The following TRAPPC9 variants were observed in gnomAD, a reference collection of about 807,000 sequenced individuals.
The protein encoded by TRAPPC9 is IKK2 binding protein.
A neutral mutation model predicts 124.0 loss-of-function variants in TRAPPC9; 83 were observed. The observed-to-expected ratio is 0.67, with a 90% CI of 0.56 to 0.80. The LOEUF (loss-of-function observed/expected upper bound fraction) is 0.80, where lower values mean the gene tolerates loss of function less well. Among genes scored for constraint, TRAPPC9 ranks in the 30% least tolerant of loss-of-function variants. The pLI, the probability that TRAPPC9 is intolerant of heterozygous loss-of-function variation, is 0.00. For synonymous variants in TRAPPC9, 638 were observed against 617.5 expected (o/e 1.03, Z -0.49); for missense variants, 1,302 against 1,508.3 (o/e 0.86, Z 2.27).
intron 21 of TRAPPC9, among the ~76,000 whole-genome samples, chr8:139,753,273 A>C (rs1386498937): frequency 2.3e-5 from 3 of 128,442 alleles, no homozygotes; most frequent in Admixed American, 1.5e-4. Context: ...CATCCATCCA[A>C]CATCTACCCA....
chr8:139,737,179 C>T (rs1818228747), intron 21 of TRAPPC9, among the ~76,000 whole-genome samples: 1 of 152,170 alleles, frequency 6.6e-6, no homozygotes, highest in South Asian at 2.1e-4. Context: ...CATTCGGCTT[C>T]TATCGGCGCT....
At chr8:139,981,049 G>A (rs1836859150) in intron 19 of TRAPPC9, among the ~76,000 whole-genome samples, 5 of 152,208 alleles carry the variant, frequency 3.3e-5, no homozygotes. Context: ...GCAAACCACT[G>A]CATCTTCCCC....
At chr8:140,433,469 A>G (rs936312761) in intron 4 of TRAPPC9, among the ~76,000 whole-genome samples, 4 of 152,104 alleles carry the variant, frequency 2.6e-5, no homozygotes, top group African/African-American at 9.7e-5. Context: ...GGGCACCTGT[A>G]ATCCCAGCTA....
chr8:139,946,143 C>T (rs1834199912), intron 19 of TRAPPC9, among the ~76,000 whole-genome samples: 1 of 152,196 alleles, frequency 6.6e-6, no homozygotes, highest in African/African-American at 2.4e-5. Flanking sequence ...CTCTCAAGAA[C>T]CAACCCCCAC....
At chr8:139,873,980 G>T (rs991249526) in intron 21 of TRAPPC9, among the ~76,000 whole-genome samples, 4 of 152,196 alleles carry the variant, frequency 2.6e-5, no homozygotes, top group Non-Finnish European at 5.9e-5. Flanking sequence ...CCTTGCCGAG[G>T]ATCCAGACTG....
intron 22 of TRAPPC9, 143 bp from the exon 23 acceptor site, chr8:139,731,371 G>A: frequency 1.1e-6 from 1 of 878,322 alleles, no homozygotes; most frequent in Non-Finnish European, 1.8e-6. Context: ...GCCCCCTCCA[G>A]CAGGTCACTG....
chr8:140,193,622 GAAA>G lies in TRAPPC9; in HGVS notation c.2556+27834_2556+27836del, dbSNP rs72383095. On this transcript the variant is annotated intron_variant, in intron 17 of 22. Coordinates refer to ENST00000438773, the MANE Select transcript of TRAPPC9 (RefSeq NM_001160372.4). ...GGCAGAAGGGATCTTTGTACTTTCA[GAAA>G]AAAAAAAAAAAAAAAAAAAAAGCTT... Among the ~76,000 whole-genome samples, 274 of 77,316 alleles carry G rather than the reference GAAA, an allele frequency of 3.5e-3. 2 individuals carry two copies. Among genetic ancestry groups the G allele is most frequent in the African/African-American group, 5.3e-3 (104 of 19,598 alleles). 50.7% of individuals were successfully genotyped at this position (77,316 alleles called of 152,430 possible). A position where few individuals can be genotyped will look rare whatever the true frequency, so the allele number is the denominator to read the frequency against.
At chr8:140,370,670 A>C (rs1252807388) in intron 8 of TRAPPC9, among the ~76,000 whole-genome samples, 2 of 152,190 alleles carry the variant, frequency 1.3e-5, no homozygotes, top group African/African-American at 4.8e-5. Flanking sequence ...TCATGAGTAA[A>C]ATTCATTAGG....
intron 9 of TRAPPC9, among the ~76,000 whole-genome samples, chr8:140,349,405 C>CAAT (rs2067470283): frequency 7.4e-6 from 1 of 134,580 alleles, no homozygotes; most frequent in Non-Finnish European, 1.6e-5. Flanking sequence ...TGGGGGCGCG[C>CAAT]GAGGGAAGGG....
chr8:139,784,606 GAC>G (rs1441026628), intron 21 of TRAPPC9, among the ~76,000 whole-genome samples: 482 of 30,418 alleles, frequency 0.016, 4 homozygotes, highest in African/African-American at 0.045. Context: ...ATAAAAGACT[GAC>G]ATATATATAT....
In TRAPPC9 at chr8:139,730,843, T is replaced by C; in HGVS notation, c.*218A>G. 3.4e-6 allele frequency: 2 copies of C among 594,384 alleles called. No homozygotes were observed. Among genetic ancestry groups the C allele is most frequent in the South Asian group, 2.0e-5 (1 of 50,858 alleles). The allele number at this position is 594,384 out of a possible 1,614,324, so 36.8% of individuals were successfully genotyped here. A position where few individuals can be genotyped will look rare whatever the true frequency, so the allele number is the denominator to read the frequency against. On this transcript the variant is annotated 3_prime_UTR_variant, in exon 23 of 23. Coordinates refer to ENST00000438773, the MANE Select transcript of TRAPPC9 (RefSeq NM_001160372.4). The stretch of plus-strand genomic sequence containing the variant: ...CCTGTGTATGGTCCAGGGAACAGTG[T>C]AGGAAGGGGCGTGGCATGGGGTGGG...
intron 17 of TRAPPC9, among the ~76,000 whole-genome samples, chr8:140,058,931 G>A (rs949751551): frequency 2.0e-5 from 3 of 152,136 alleles, no homozygotes; most frequent in Non-Finnish European, 4.4e-5. Flanking sequence ...GAAACTCCTG[G>A]GAGGCTGGTT....
chr8:140,448,900 G>A (rs1195560318), intron 2 of TRAPPC9, among the ~76,000 whole-genome samples: 2 of 152,212 alleles, frequency 1.3e-5, no homozygotes, highest in Non-Finnish European at 2.9e-5. Context: ...AAACCTTGCT[G>A]CCTCAGCCCC....
intron 21 of TRAPPC9, among the ~76,000 whole-genome samples, chr8:139,749,995 A>G (rs887190354): frequency 5.9e-5 from 9 of 152,122 alleles, no homozygotes; most frequent in Non-Finnish European, 1.0e-4. Flanking sequence ...AGGAGCTCAC[A>G]GCCTGCAGGG....
chr8:139,733,119 G>A (rs1203716775), intron 21 of TRAPPC9, among the ~76,000 whole-genome samples: 1 of 152,166 alleles, frequency 6.6e-6, no homozygotes, highest in African/African-American at 2.4e-5. Context: ...CTTTGAAGAT[G>A]TAATTAAGTG....
chr8:140,123,498 C>T (rs180916892), intron 17 of TRAPPC9, among the ~76,000 whole-genome samples: 271 of 152,272 alleles, frequency 1.8e-3, no homozygotes, highest in Middle Eastern at 3.4e-3. Context: ...CCTCACAGCC[C>T]GGCCACACCC....
intron 19 of TRAPPC9, among the ~76,000 whole-genome samples, chr8:139,965,081 C>T (rs1835611731): frequency 6.6e-6 from 1 of 150,702 alleles, no homozygotes; most frequent in African/African-American, 2.4e-5. Context: ...TGTGGACTGG[C>T]CTGTCTTCGT....
chr8:140,202,909 G>A (rs2062827318), intron 17 of TRAPPC9, among the ~76,000 whole-genome samples: 1 of 152,228 alleles, frequency 6.6e-6, no homozygotes. Flanking sequence ...TCAGGGGATG[G>A]AGAAACAGAT....
chr8:139,930,413 G>A (rs977321968), intron 19 of TRAPPC9, among the ~76,000 whole-genome samples: 16 of 152,336 alleles, frequency 1.1e-4, no homozygotes, highest in African/African-American at 3.8e-4. Flanking sequence ...GGTAGGGCAG[G>A]TGGGTGGCTC....
Sources: gnomAD v4.1 joint callset for allele counts (sites outside exome capture counted in the v4.1 genomes callset) on GRCh38, gnomAD v4.1.1 for gene constraint, MANE v1.5 for transcripts, NCBI Gene and HGNC (gene_info 2026-07-23, HGNC 2026-07-21) for gene names.